The following TMEM143 variants were observed in gnomAD, a reference collection of about 807,000 sequenced individuals.
TMEM143 encodes transmembrane protein 143.
In TMEM143, 45 loss-of-function variants were observed where a neutral mutation model predicts 40.3. The observed-to-expected ratio is 1.12, with a 90% CI of 0.88 to 1.43. TMEM143 has a LOEUF of 1.43. TMEM143 is among the 40% of genes most tolerant of loss of function. The probability of loss-of-function intolerance (pLI) is 0.00; values close to 1 mark genes in which losing one functional copy is unlikely to be tolerated. For synonymous variants in TMEM143, 299 were observed against 282.7 expected (o/e 1.06, Z -0.58); for missense variants, 620 against 613.4 (o/e 1.01, Z -0.11).
intron 3 of TMEM143, among the ~76,000 whole-genome samples, chr19:48,352,195 C>T (rs1034429793): frequency 1.5e-5 from 2 of 130,976 alleles, no homozygotes; most frequent in African/African-American, 5.7e-5. Flanking sequence ...TGCAGTGAGC[C>T]GAGATCAAGC....
intron 3 of TMEM143, among the ~76,000 whole-genome samples, chr19:48,355,868 C>T (rs1291642199): frequency 3.3e-5 from 5 of 152,182 alleles, no homozygotes; most frequent in Non-Finnish European, 5.9e-5. Flanking sequence ...GGCCTGGAGC[C>T]ACTGAGCATC....
chr19:48,352,331 T>C (rs984371079), intron 3 of TMEM143, among the ~76,000 whole-genome samples: 1 of 148,466 alleles, frequency 6.7e-6, no homozygotes, highest in African/African-American at 2.5e-5. Context: ...AGAGACAGGG[T>C]CTAGCCCTGT....
intron 3 of TMEM143, among the ~76,000 whole-genome samples, chr19:48,358,828 T>C (rs1232880104): frequency 6.6e-6 from 1 of 152,164 alleles, no homozygotes; most frequent in East Asian, 1.9e-4. Context: ...CTCACATCTC[T>C]CCTCAGCTCA....
intron 5 of TMEM143, 100 bp downstream of exon 5, chr19:48,343,221 C>A: frequency 6.9e-7 from 1 of 1,446,930 alleles, no homozygotes; most frequent in Non-Finnish European, 9.1e-7. Flanking sequence ...AACTTCCCGC[C>A]TGGGGCCCAG....
intron 6 of TMEM143, among the ~76,000 whole-genome samples, chr19:48,341,645 C>T (rs775267985): frequency 6.6e-6 from 1 of 152,196 alleles, no homozygotes; most frequent in Non-Finnish European, 1.5e-5. Context: ...ATCCCCACAA[C>T]ACCTCTATGA....
At chr19:48,344,807 A>G (rs1236570996) in intron 4 of TMEM143, among the ~76,000 whole-genome samples, 1 of 152,152 alleles carries the variant, frequency 6.6e-6, no homozygotes, top group African/African-American at 2.4e-5. Flanking sequence ...CCCGGGTTCA[A>G]GAGATTCTCC....
chr19:48,347,455 G>A (rs937064426), intron 3 of TMEM143, among the ~76,000 whole-genome samples: 4 of 151,956 alleles, frequency 2.6e-5, no homozygotes, highest in African/African-American at 7.2e-5. Context: ...GCTCACGCCT[G>A]TAATCCCAAC....
In TMEM143 at chr19:48,363,436, G is replaced by T. The variant is rs920876541; in HGVS notation, c.119C>A (p.Pro40His). ...TGCCAGCGATGAGAGGGCCCGGGGG[G>T]GCCCGAGGAGCGCGGGCAACAGTGG... ...VWPLLPALLG[P>H]PRALSSLAAK... Residue 40 changes from proline (P) to histidine (H), a missense_variant, in exon 2 of 8, where the codon CCC becomes CAC. Transcript: ENST00000293261. 4.5e-5 allele frequency: 73 copies of T among 1,614,018 alleles called. 1 individual carries two copies. Among genetic ancestry groups the T allele is most frequent in the Admixed American group, 1.2e-4 (7 of 60,012 alleles).
intron 3 of TMEM143, among the ~76,000 whole-genome samples, chr19:48,346,534 T>C (rs1372017088): frequency 6.6e-6 from 1 of 152,170 alleles, no homozygotes; most frequent in Non-Finnish European, 1.5e-5. Flanking sequence ...TAAACAATTA[T>C]GTAGGGCTTC....
Position 48,342,521 on chromosome 19 carries a change from C to G in TMEM143, c.975+9G>C. On this transcript the variant is annotated intron_variant, in intron 6 of 7. Coordinates refer to ENST00000293261, the MANE Select transcript of TMEM143 (RefSeq NM_018273.4). Reference sequence around the variant, plus strand: ...AGGGCCGCAGGAGGCGTGGCAGGCGCATGCTCACCTTGGAGGCCCGCAGGC... The same window carrying G: ...AGGGCCGCAGGAGGCGTGGCAGGCGGATGCTCACCTTGGAGGCCCGCAGGC... 1 of 1,598,708 alleles carries G rather than the reference C, an allele frequency of 6.3e-7. No individual in the cohort carries two copies. Among genetic ancestry groups the G allele is most frequent in the South Asian group, 1.1e-5 (1 of 89,548 alleles).
chr19:48,342,006 G>A (rs1969497635), intron 6 of TMEM143, among the ~76,000 whole-genome samples: 1 of 151,210 alleles, frequency 6.6e-6, no homozygotes, highest in Admixed American at 6.6e-5. Flanking sequence ...ACCCCCCTAA[G>A]GGGTGTTGAG....
intron 3 of TMEM143, among the ~76,000 whole-genome samples, chr19:48,345,829 G>A (rs897413370): frequency 6.6e-6 from 1 of 151,134 alleles, no homozygotes; most frequent in African/African-American, 2.4e-5. Flanking sequence ...CTGTCGCCCA[G>A]GCTGGAGTGC....
At chr19:48,344,718 T>A (rs916157961) in intron 4 of TMEM143, among the ~76,000 whole-genome samples, 2 of 152,040 alleles carry the variant, frequency 1.3e-5, no homozygotes, top group African/African-American at 4.8e-5. Context: ...ACCTCCTTTT[T>A]TTTTCCAGAT....
intron 6 of TMEM143, among the ~76,000 whole-genome samples, chr19:48,334,524 TTTC>T (rs1294814281): frequency 4.0e-5 from 6 of 149,010 alleles, no homozygotes; most frequent in Non-Finnish European, 5.9e-5. Flanking sequence ...TTTCTTTCTC[TTTC>T]TTTCTTTTCT....
intron 3 of TMEM143, among the ~76,000 whole-genome samples, chr19:48,345,824 G>A (rs1288682375): frequency 1.0e-4 from 14 of 137,220 alleles, no homozygotes; most frequent in Admixed American, 3.7e-4. Context: ...TCGCTCTGTC[G>A]CCCAGGCTGG....
chr19:48,352,537 G>A (rs1429779559), intron 3 of TMEM143, among the ~76,000 whole-genome samples: 7 of 151,958 alleles, frequency 4.6e-5, no homozygotes, highest in South Asian at 2.1e-4. Flanking sequence ...CACCTTGGGA[G>A]GCCGAGGCGG....
At position 48,334,167 on chromosome 19, in the gene TMEM143, A is replaced by G. The variant is rs760853804; in HGVS notation, c.1006T>C (p.Leu336=). 1.1e-5 allele frequency: 17 copies of G among 1,606,936 alleles called. No individual in the cohort carries two copies. The highest frequency in any genetic ancestry group is 1.4e-5 in the Non-Finnish European group (16 of 1,177,280). The part of the protein sequence containing the change: ...MFGQRRSAQA[L]ELAHMLYYRS... ...TAGTACAGCATGTGCGCCAGCTCCA[A>G]CGCCTGCGCGCTGCGCCGCTGCCCG... Residue 336 remains leucine (L), a synonymous_variant, in exon 7 of 8, where the codon TTG becomes CTG. Transcript: ENST00000293261.
rs1046214622 is a variant in TMEM143, at chr19:48,332,623, C to A, written c.*596G>T. ...CCTAGACACCCTGATCAGCAGCTGA[C>A]CAGTTGGCCTGCCATTTAAGCAGCA... On this transcript the variant is annotated 3_prime_UTR_variant, in exon 8 of 8. Coordinates refer to ENST00000293261, the MANE Select transcript of TMEM143 (RefSeq NM_018273.4). 2 of 152,322 alleles carry A rather than the reference C, an allele frequency of 1.3e-5. No homozygotes were observed. The highest frequency in any genetic ancestry group is 2.1e-4 in the South Asian group (1 of 4,822). 9.4% of individuals were successfully genotyped at this position (152,322 alleles called of 1,614,324 possible). A position where few individuals can be genotyped will look rare whatever the true frequency, so the allele number is the denominator to read the frequency against.
At chr19:48,334,370 AT>A (rs1483420472) in intron 6 of TMEM143, among the ~76,000 whole-genome samples, 173 bp from the exon 7 acceptor site, 3 of 152,028 alleles carry the variant, frequency 2.0e-5, no homozygotes, top group Non-Finnish European at 4.4e-5. Context: ...CGAGGGATCT[AT>A]TTGGGGATTT....
Sources: allele counts gnomAD v4.1 joint callset (sites outside exome capture counted in the v4.1 genomes callset), GRCh38; gene constraint gnomAD v4.1.1; transcripts MANE v1.5; gene names NCBI Gene and HGNC (gene_info 2026-07-23, HGNC 2026-07-21).